Variants in POU2F1 observed in about 807,000 individuals in gnomAD.
POU2F1 encodes the protein POU class 2 homeobox 1.
A neutral mutation model predicts 84.9 loss-of-function variants in POU2F1; 16 were observed. The observed-to-expected ratio is 0.19, with a 90% CI of 0.13 to 0.29. The LOEUF (loss-of-function observed/expected upper bound fraction) is 0.29. Among genes scored for constraint, POU2F1 ranks in the 10% least tolerant of loss-of-function variants. The probability of loss-of-function intolerance (pLI) is 1.00; values close to 1 mark genes in which losing one functional copy is unlikely to be tolerated. For missense variants in POU2F1, 738 were observed against 942.6 expected, an observed-to-expected ratio of 0.78 and a Z score of 2.84; for synonymous variants, 368 against 368.3, an observed-to-expected ratio of 1.00 and a Z score of 0.01.
At chr1:167,223,682 C>A (rs970757225) in intron 1 of POU2F1, among the ~76,000 whole-genome samples, 2 of 152,004 alleles carry the variant, frequency 1.3e-5, no homozygotes, top group African/African-American at 4.8e-5. Context: ...CCAGTTCTCA[C>A]CATTTTTCTT....
At chr1:167,259,089 C>T (rs1651360902) in intron 1 of POU2F1, among the ~76,000 whole-genome samples, 1 of 152,134 alleles carries the variant, frequency 6.6e-6, no homozygotes, top group South Asian at 2.1e-4. Context: ...GCTGTGTTGG[C>T]CGAAGTTTGT....
intron 8 of POU2F1, among the ~76,000 whole-genome samples, chr1:167,387,734 C>T (rs1193297180): frequency 6.6e-6 from 1 of 152,224 alleles, no homozygotes; most frequent in Non-Finnish European, 1.5e-5. Flanking sequence ...AAGATGCAGT[C>T]AGGCAGTGCC....
Position 167,370,158 on chromosome 1 carries a change from T to C in POU2F1, c.229-3T>C, listed in dbSNP as rs1557933589. 3 of 1,603,472 alleles carry C rather than the reference T, an allele frequency of 1.9e-6. No homozygotes were observed. The highest frequency in any genetic ancestry group is 2.6e-6 in the Non-Finnish European group (3 of 1,172,694). On this transcript the variant is annotated splice_region_variant and splice_polypyrimidine_tract_variant and intron_variant, in intron 3 of 15. Transcript: ENST00000367866. The stretch of plus-strand genomic sequence containing the variant: ...AACTAGAACTTCCCCTGATTACTTA[T>C]AGGTCCAACTCGCTGGAACAAGTTT...
chr1:167,237,746 G>GTATATATATA (rs58988722), intron 1 of POU2F1, among the ~76,000 whole-genome samples: 9 of 73,000 alleles, frequency 1.2e-4, no homozygotes, highest in African/African-American at 4.3e-4. Flanking sequence ...ATGTGTGTGT[G>GTATATATATA]TATATATATA....
chr1:167,221,745 G>A (rs1257477188), intron 1 of POU2F1, among the ~76,000 whole-genome samples: 2 of 151,812 alleles, frequency 1.3e-5, no homozygotes, highest in Admixed American at 1.3e-4. Flanking sequence ...TAGGTGGGTA[G>A]GGGTGAGCGG....
intron 1 of POU2F1, among the ~76,000 whole-genome samples, chr1:167,331,299 T>C (rs531685399): frequency 1.3e-4 from 20 of 152,214 alleles, no homozygotes; most frequent in African/African-American, 4.6e-4. Flanking sequence ...TGATTTTTTT[T>C]CTCATCTGTT....
chr1:167,354,978 TTATG>T (rs1658840551), intron 2 of POU2F1, among the ~76,000 whole-genome samples: 1 of 152,182 alleles, frequency 6.6e-6, no homozygotes, highest in African/African-American at 2.4e-5. Context: ...TCAATTCACT[TTATG>T]TAGCCCTTTG....
intron 1 of POU2F1, among the ~76,000 whole-genome samples, chr1:167,272,684 A>C (rs562468961): frequency 7.9e-5 from 12 of 152,248 alleles, no homozygotes; most frequent in Admixed American, 5.9e-4. Flanking sequence ...AAGAACAGCA[A>C]GGGGGAAGAC....
At position 167,416,109 on chromosome 1, in the gene POU2F1, A is replaced by G; in HGVS notation, c.*299A>G. 1 of 516,846 alleles carries G rather than the reference A, an allele frequency of 1.9e-6. No individual in the cohort carries two copies. The highest frequency in any genetic ancestry group is 3.5e-6 in the Non-Finnish European group (1 of 281,972). The allele number at this position is 516,846 out of a possible 1,614,324, so 32.0% of individuals were successfully genotyped here. ...AATTAAAAAAAAAAAAAAAAAAAGA[A>G]ACAAAAAAATCAAAAACAAACAAAA... On this transcript the variant is annotated 3_prime_UTR_variant, in exon 16 of 16. Coordinates refer to ENST00000367866, the MANE Select transcript of POU2F1 (RefSeq NM_002697.4).
intron 1 of POU2F1, among the ~76,000 whole-genome samples, chr1:167,301,805 G>A (rs976640380): frequency 5.3e-5 from 8 of 151,906 alleles, no homozygotes; most frequent in African/African-American, 1.9e-4. Context: ...ATTCCTTACG[G>A]TGTTTTTTTG....
intron 9 of POU2F1, 134 bp downstream of exon 9, chr1:167,389,895 G>A (rs1648271753): frequency 1.0e-5 from 10 of 962,002 alleles, no homozygotes; most frequent in Non-Finnish European, 1.2e-5. Context: ...GAAAAAGGAT[G>A]GTCATGTCTG....
intron 1 of POU2F1, among the ~76,000 whole-genome samples, chr1:167,280,558 C>T (rs938908215): frequency 2.6e-5 from 4 of 152,088 alleles, no homozygotes; most frequent in African/African-American, 9.7e-5. Flanking sequence ...ACCTTTAAAA[C>T]GATAGGCAAC....
chr1:167,408,174 G>C (rs1478003983), intron 13 of POU2F1, among the ~76,000 whole-genome samples: 1 of 152,160 alleles, frequency 6.6e-6, no homozygotes, highest in Non-Finnish European at 1.5e-5. Context: ...GATTAAAACT[G>C]TAATGAGATA....
At chr1:167,396,193 T>G in intron 9 of POU2F1, 93 bp from the exon 10 acceptor site, 8 of 1,414,040 alleles carry the variant, frequency 5.7e-6, no homozygotes, top group Non-Finnish European at 7.8e-6. Context: ...TCTAAAGCAG[T>G]TATTGGAGCA....
chr1:167,281,147 C>T lies in POU2F1; in HGVS notation c.62-51323C>T, dbSNP rs1379514242. Among the ~76,000 whole-genome samples, 4 of 152,152 alleles carry T rather than the reference C, an allele frequency of 2.6e-5. No homozygotes were observed. The East Asian group carries it at 7.7e-4, about 29-fold the overall frequency. ...AGTTCTCCAAAGGTCCATTTATAGA[C>T]CGGTCTTAACTTAAAATGTACATAA... is the stretch of plus-strand genomic sequence containing the variant. On this transcript the variant is annotated intron_variant, in intron 1 of 15. Coordinates refer to ENST00000367866, the MANE Select transcript of POU2F1 (RefSeq NM_002697.4).
intron 1 of POU2F1, chr1:167,329,218 C>G: frequency 1.3e-6 from 2 of 1,540,064 alleles, no homozygotes; most frequent in Non-Finnish European, 1.8e-6. Flanking sequence ...TTCCCCACCC[C>G]AAACTGCTAC....
intron 1 of POU2F1, among the ~76,000 whole-genome samples, chr1:167,265,736 T>G (rs913167786): frequency 6.6e-6 from 1 of 151,656 alleles, no homozygotes; most frequent in African/African-American, 2.4e-5. Context: ...ACATTTTTGA[T>G]TGTCACAACC....
At chr1:167,268,064 C>G (rs1472673432) in intron 1 of POU2F1, among the ~76,000 whole-genome samples, 2 of 152,068 alleles carry the variant, frequency 1.3e-5, no homozygotes, top group Admixed American at 1.3e-4. Context: ...AAGTAAAATT[C>G]CCTTCAGCTG....
At chr1:167,375,897 G>A in intron 6 of POU2F1, 132 bp from the exon 7 acceptor site, 5 of 1,129,096 alleles carry the variant, frequency 4.4e-6, no homozygotes, top group South Asian at 1.5e-5. Context: ...TACCCTGTTT[G>A]GAATATGAAA....
Sources: gnomAD v4.1 joint callset for allele counts (sites outside exome capture counted in the v4.1 genomes callset) on GRCh38, gnomAD v4.1.1 for gene constraint, MANE v1.5 for transcripts, NCBI Gene and HGNC (gene_info 2026-07-23, HGNC 2026-07-21) for gene names.